Variants in FRMD6 observed in about 807,000 individuals in gnomAD.
FRMD6 encodes FERM domain containing 6.
FRMD6 carries 37 observed loss-of-function variants against 73.2 expected under a neutral mutation model. The observed-to-expected ratio is 0.51, with a 90% CI of 0.39 to 0.66. FRMD6 has a LOEUF of 0.66. Ranked by LOEUF, FRMD6 falls within the 30% of genes least tolerant of loss-of-function variation. The pLI is 0.00. For synonymous variants in FRMD6, 273 were observed against 282.2 expected, an observed-to-expected ratio of 0.97 and a Z score of 0.33; for missense variants, 714 against 780.5, an observed-to-expected ratio of 0.91 and a Z score of 1.02.
chr14:51,432,850 A>G, the FRMD6 span, among the ~76,000 whole-genome samples: 20 of 152,160 alleles, frequency 1.3e-4, no homozygotes, highest in African/African-American at 4.8e-4. Context: ...TCCAGGGGGC[A>G]GGGCCTATCC....
chr14:51,641,984 G>T (rs2140033638), intron 2 of FRMD6, among the ~76,000 whole-genome samples: 1 of 152,240 alleles, frequency 6.6e-6, no homozygotes, highest in East Asian at 1.9e-4. Context: ...AGGTTCCCTT[G>T]TCTCACGATT....
chr14:51,678,707 C>T (rs1269556569), intron 1 of FRMD6, among the ~76,000 whole-genome samples: 4 of 152,082 alleles, frequency 2.6e-5, no homozygotes, highest in Non-Finnish European at 5.9e-5. Context: ...TGAGGAGACT[C>T]CAGTCCTCCA....
In FRMD6 at chr14:51,599,058, CTTTTTTTT is replaced by C. The variant is rs59151771; in HGVS notation, c.-147+28668_-147+28675del. ...TCTCAGCAGCCTTGCCAGTATCTGTCTTTTTTTTTTTTTTTTTTTTTTTTTTTAGTAAT... is the reference window on the plus strand; with the variant it reads ...TCTCAGCAGCCTTGCCAGTATCTGTCTTTTTTTTTTTTTTTTTTTAGTAAT... On this transcript the variant is annotated intron_variant, in intron 2 of 14. Transcript: ENST00000356218. 7.9e-3 allele frequency among the ~76,000 whole-genome samples: 574 copies of C among 72,820 alleles called. 6 individuals are homozygous for C. Among genetic ancestry groups the C allele is most frequent in the African/African-American group, 0.03 (545 of 18,182 alleles). 47.8% of individuals were successfully genotyped at this position (72,820 alleles called of 152,430 possible).
At chr14:51,584,529 C>A (rs575099496) in intron 2 of FRMD6, among the ~76,000 whole-genome samples, 1 of 152,278 alleles carries the variant, frequency 6.6e-6, no homozygotes, top group Non-Finnish European at 1.5e-5. Context: ...GGTTTGGTAC[C>A]TGTGAGAGGG....
At chr14:51,685,806 G>T (rs1488397510) in intron 1 of FRMD6, among the ~76,000 whole-genome samples, 1 of 132,134 alleles carries the variant, frequency 7.6e-6, no homozygotes, top group Admixed American at 7.7e-5. Flanking sequence ...CATATAGGTG[G>T]AGGGGGAGTA....
At chr14:51,452,975 C>A in the FRMD6 span, among the ~76,000 whole-genome samples, 2 of 152,092 alleles carry the variant, frequency 1.3e-5, no homozygotes, top group African/African-American at 4.8e-5. Flanking sequence ...CCAGGGAGAA[C>A]GGAATGTGAC....
At chr14:51,564,370 C>A (rs1030162637) in intron 1 of FRMD6, among the ~76,000 whole-genome samples, 1 of 152,074 alleles carries the variant, frequency 6.6e-6, no homozygotes, top group Non-Finnish European at 1.5e-5. Context: ...TTGGGCAGAA[C>A]CTGTATGATC....
At position 51,730,348 on chromosome 14, in the gene FRMD6, C is replaced by CA. The variant is rs1316965394; in HGVS notation, c.*2319_*2320insA. ...GCTAAGAACACTTCTGCTTTTTGAT[C>CA]CACTGTTTGCAGCAGAATTATATAT... On this transcript the variant is annotated 3_prime_UTR_variant, in exon 14 of 14. Transcript: ENST00000344768. 6.6e-6 allele frequency: 1 copy of CA among 152,088 alleles called. No individual in the cohort carries two copies. 9.4% of individuals were successfully genotyped at this position (152,088 alleles called of 1,614,324 possible).
the FRMD6 span, among the ~76,000 whole-genome samples, chr14:51,456,582 G>T: frequency 6.6e-6 from 1 of 152,088 alleles, no homozygotes; most frequent in Non-Finnish European, 1.5e-5. Flanking sequence ...GACCAGTGAT[G>T]ATGAACTTTT....
intron 1 of FRMD6, among the ~76,000 whole-genome samples, chr14:51,570,083 G>A (rs1161711476): frequency 3.9e-5 from 6 of 152,098 alleles, no homozygotes; most frequent in South Asian, 2.1e-4. Context: ...CCAAAGTGCT[G>A]GGATTACAGA....
At chr14:51,422,573 A>T in the FRMD6 span, among the ~76,000 whole-genome samples, 1 of 152,244 alleles carries the variant, frequency 6.6e-6, no homozygotes, top group Non-Finnish European at 1.5e-5. Context: ...AATTAAAAAG[A>T]TCTGGGAATA....
the FRMD6 span, among the ~76,000 whole-genome samples, chr14:51,467,768 G>A: frequency 0.033 from 4,956 of 151,844 alleles, 96 homozygotes; most frequent in South Asian, 0.082. Flanking sequence ...CTTCCTAGAC[G>A]GGATGACGGC....
the FRMD6 span, among the ~76,000 whole-genome samples, chr14:51,433,613 G>A: frequency 6.6e-6 from 1 of 152,148 alleles, no homozygotes; most frequent in African/African-American, 2.4e-5. Flanking sequence ...AACCCGACGG[G>A]GAATAATATA....
chr14:51,428,976 C>CAGAGGGGAGAGAGAGGGGGAGAGAG, the FRMD6 span, among the ~76,000 whole-genome samples: 64 of 54,986 alleles, frequency 1.2e-3, no homozygotes, highest in South Asian at 1.6e-3. Flanking sequence ...GGGTGAGAGA[C>CAGAGGGGAGAGAGAGGGGGAGAGAG]AGAGGGGAGA....
At chr14:51,547,304 G>A (rs1221274292) in intron 1 of FRMD6, among the ~76,000 whole-genome samples, 2 of 152,192 alleles carry the variant, frequency 1.3e-5, no homozygotes, top group Non-Finnish European at 2.9e-5. Context: ...CGAGTGTAAA[G>A]TATCAAGCTC....
At chr14:51,649,989 T>C (rs1242083921), upstream of FRMD6, 1 of 152,198 alleles carries the variant, frequency 6.6e-6, no homozygotes, top group Non-Finnish European at 1.5e-5. Flanking sequence ...TGTCTTGAAC[T>C]CCCGGCCTCA....
intron 1 of FRMD6, among the ~76,000 whole-genome samples, chr14:51,682,128 C>T (rs2140309750): frequency 6.6e-6 from 1 of 152,228 alleles, no homozygotes; most frequent in South Asian, 2.1e-4. Context: ...GCATTATTTC[C>T]ATAAATTATT....
At chr14:51,403,778 T>C in the FRMD6 span, among the ~76,000 whole-genome samples, 82 of 152,354 alleles carry the variant, frequency 5.4e-4, no homozygotes, top group Non-Finnish European at 1.1e-3. Context: ...CTCATTTTAT[T>C]GTTATATAAA....
At chr14:51,459,304 A>G in the FRMD6 span, among the ~76,000 whole-genome samples, 16 of 152,306 alleles carry the variant, frequency 1.1e-4, no homozygotes, top group African/African-American at 3.6e-4. Flanking sequence ...CTGGAATCCA[A>G]TTCACATGGG....
Sources: gnomAD v4.1 joint callset for allele counts (sites outside exome capture counted in the v4.1 genomes callset) on GRCh38, gnomAD v4.1.1 for gene constraint, MANE v1.5 for transcripts, NCBI Gene and HGNC (gene_info 2026-07-23, HGNC 2026-07-21) for gene names.